Variants in ZFYVE28 observed in about 807,000 individuals in gnomAD.
ZFYVE28 encodes lateral signaling target protein 2 homolog.
Under a neutral mutation model 82.1 loss-of-function variants are expected in ZFYVE28, and 40 were observed. The observed-to-expected ratio is 0.49, with a 90% CI of 0.38 to 0.63. The LOEUF (loss-of-function observed/expected upper bound fraction) is 0.63. ZFYVE28 is among the 30% of genes least tolerant of loss of function. ZFYVE28 has a pLI of 0.00. For missense variants in ZFYVE28, 1,321 were observed against 1,242.1 expected, an observed-to-expected ratio of 1.06 and a Z score of -0.96; for synonymous variants, 612 against 546.1, an observed-to-expected ratio of 1.12 and a Z score of -1.68.
intron 7 of ZFYVE28, among the ~76,000 whole-genome samples, chr4:2,316,962 G>T (rs965034793): frequency 2.2e-4 from 33 of 149,878 alleles, no homozygotes; most frequent in African/African-American, 8.1e-4. Context: ...AAAGTGCTGG[G>T]ATTACAGTAT....
chr4:2,347,477 T>A (rs1486061794), intron 2 of ZFYVE28, among the ~76,000 whole-genome samples: 1 of 152,232 alleles, frequency 6.6e-6, no homozygotes, highest in African/African-American at 2.4e-5. Flanking sequence ...GATTCCCGAT[T>A]GTATATGGAA....
intron 8 of ZFYVE28, among the ~76,000 whole-genome samples, chr4:2,281,828 CA>C (rs1183147911): frequency 6.6e-6 from 1 of 152,176 alleles, no homozygotes; most frequent in Non-Finnish European, 1.5e-5. Flanking sequence ...AGGAGGACCT[CA>C]GGGGTAGATC....
At chr4:2,330,748 G>A (rs1418080420) in intron 6 of ZFYVE28, 22 of 1,496,202 alleles carry the variant, frequency 1.5e-5, no homozygotes, top group African/African-American at 2.8e-5. Flanking sequence ...GGGACAGTGC[G>A]GGGGAGGGGA....
chr4:2,276,115 T>G (rs1736413736), intron 8 of ZFYVE28, among the ~76,000 whole-genome samples: 1 of 151,924 alleles, frequency 6.6e-6, no homozygotes, highest in Non-Finnish European at 1.5e-5. Flanking sequence ...GTGGCGCACG[T>G]GAGAATTCAG....
rs189934600 is a variant in ZFYVE28 at position 2,379,203 on chromosome 4, G to A, written c.40-25130C>T. The stretch of plus-strand genomic sequence containing the variant: ...AGGAGGTGTGGGCATTGGGGGGACC[G>A]CTCCAGGGAGAGACAGAGCCCTCAA... On this transcript the variant is annotated intron_variant, in intron 1 of 12. Coordinates refer to ENST00000290974, the MANE Select transcript of ZFYVE28 (RefSeq NM_020972.3). Among the ~76,000 whole-genome samples, 27 of 152,294 alleles carry A rather than the reference G, an allele frequency of 1.8e-4. No individual in the cohort carries two copies. In the East Asian group the frequency reaches 3.5e-3, roughly 20 times the overall value.
At chr4:2,352,946 T>A (rs2108881453) in intron 2 of ZFYVE28, among the ~76,000 whole-genome samples, 1 of 152,256 alleles carries the variant, frequency 6.6e-6, no homozygotes, top group Middle Eastern at 3.4e-3. Flanking sequence ...TCCTCCAGGC[T>A]CCAGGGCCCC....
At chr4:2,382,664 G>C (rs953314908) in intron 1 of ZFYVE28, among the ~76,000 whole-genome samples, 1 of 152,226 alleles carries the variant, frequency 6.6e-6, no homozygotes, top group Non-Finnish European at 1.5e-5. Flanking sequence ...CTCATAGGCA[G>C]AAGGGTACTT....
At chr4:2,358,088 C>T (rs1283491182) in intron 1 of ZFYVE28, among the ~76,000 whole-genome samples, 1 of 152,258 alleles carries the variant, frequency 6.6e-6, no homozygotes, top group South Asian at 2.1e-4. Context: ...ACTTGCATGT[C>T]CCCTCGGCTC....
At chr4:2,391,421 T>C (rs549239194) in intron 1 of ZFYVE28, among the ~76,000 whole-genome samples, 1 of 151,778 alleles carries the variant, frequency 6.6e-6, no homozygotes, top group African/African-American at 2.4e-5. Context: ...AAGGTTACTG[T>C]CTTAGGTCAG....
At chr4:2,414,094 G>A (rs1396762156) in intron 1 of ZFYVE28, among the ~76,000 whole-genome samples, 1 of 152,208 alleles carries the variant, frequency 6.6e-6, no homozygotes, top group Non-Finnish European at 1.5e-5. Flanking sequence ...CCAGGGTGCC[G>A]CCCCTCTCAA....
rs1290578220 is a variant in ZFYVE28, at chr4:2,394,675, C to G, written c.39+23610G>C. The stretch of plus-strand genomic sequence containing the variant: ...CGGTCACAGGCAGGGGCCTGGGTGT[C>G]GTGTCACACAGGTCTGCGATCCGAT... On this transcript the variant is annotated intron_variant, in intron 1 of 12. Coordinates refer to ENST00000290974, the MANE Select transcript of ZFYVE28 (RefSeq NM_020972.3). The surrounding 1 kb of genome is among the most constrained non-coding windows in gnomAD (Gnocchi z 4.0). 6.6e-6 allele frequency among the ~76,000 whole-genome samples: 1 copy of G among 152,352 alleles called. No homozygotes were observed. The highest frequency in any genetic ancestry group is 2.1e-4 in the South Asian group (1 of 4,828).
chr4:2,381,543 A>G (rs1560313426), intron 1 of ZFYVE28, among the ~76,000 whole-genome samples: 1 of 152,132 alleles, frequency 6.6e-6, no homozygotes, highest in Non-Finnish European at 1.5e-5. Context: ...AGTAGCTGGG[A>G]CTACAGGCAC....
At chr4:2,350,499 G>A (rs1278636260) in intron 2 of ZFYVE28, among the ~76,000 whole-genome samples, 1 of 152,030 alleles carries the variant, frequency 6.6e-6, no homozygotes, top group Non-Finnish European at 1.5e-5. Context: ...GTATGATATT[G>A]TAAAATATAC....
rs146008323 is a variant in ZFYVE28 at position 2,335,660 on chromosome 4, G to T, written c.701+45C>A. On this transcript the variant is annotated intron_variant, in intron 6 of 12. Transcript: ENST00000290974. The surrounding 1 kb of genome is among the most constrained non-coding windows in gnomAD (Gnocchi z 5.8). ...GGACCTGGCACCATCAGCCCTGCCCGTCCCGCAGGTTTCTGCAGAGGTCCT... is the reference window on the plus strand; with the variant it reads ...GGACCTGGCACCATCAGCCCTGCCCTTCCCGCAGGTTTCTGCAGAGGTCCT... 36 of 1,535,648 alleles carry T rather than the reference G, an allele frequency of 2.3e-5. No homozygotes were observed. Among genetic ancestry groups the T allele is most frequent in the Non-Finnish European group, 3.1e-5 (35 of 1,133,182 alleles).
At position 2,418,371 on chromosome 4, in the gene ZFYVE28, G is replaced by A; in HGVS notation, c.-48C>T. The A allele has an allele frequency of 7.4e-7, 1 of 1,349,276 alleles. No individual in the cohort carries two copies. Among genetic ancestry groups the A allele is most frequent in the South Asian group, 1.7e-5 (1 of 60,498 alleles). The allele number at this position is 1,349,276 out of a possible 1,614,324, so 83.6% of individuals were successfully genotyped here. ...CTCCGGGCGGCCCTCGCCCTCCGCA[G>A]CGCTGCGCCCGGGCCCGGCTGAGGC... On this transcript the variant is annotated 5_prime_UTR_variant, in exon 1 of 13. Transcript: ENST00000290974. The surrounding 1 kb of genome is among the most constrained non-coding windows in gnomAD (Gnocchi z 4.6).
At chr4:2,297,095 G>T (rs1714692349) in intron 8 of ZFYVE28, among the ~76,000 whole-genome samples, 1 of 152,250 alleles carries the variant, frequency 6.6e-6, no homozygotes, top group Non-Finnish European at 1.5e-5. Context: ...GTGGATGTGG[G>T]AACGAAGCAC....
intron 1 of ZFYVE28, among the ~76,000 whole-genome samples, chr4:2,371,356 GC>G (rs201486319): frequency 0.016 from 2,401 of 152,262 alleles, 27 homozygotes; most frequent in Middle Eastern, 0.034. Flanking sequence ...TTATAAAGGT[GC>G]CCGCCACTAA....
Position 2,305,045 on chromosome 4 carries a change from T to C in ZFYVE28, c.1295A>G (p.Asp432Gly). Reference sequence around the variant, plus strand: ...CCCACCCTGCCCTTTCTCCTGGGGGTCGGCCCAGGTACTGCCTGCCCACCC... The same window carrying C: ...CCCACCCTGCCCTTTCTCCTGGGGGCCGGCCCAGGTACTGCCTGCCCACCC... Reference protein sequence around the residue: ...PFGWAGSTWADPQEKGQGGPG... With the variant: ...PFGWAGSTWAGPQEKGQGGPG... Residue 432 changes from aspartate to glycine, a missense_variant, in exon 8 of 13, where the codon GAC becomes GGC. Physicochemically the swap from Asp to Gly is moderately conservative, Grantham distance 94. Transcript: ENST00000290974. 1.2e-6 allele frequency: 2 copies of C among 1,612,230 alleles called. No individual in the cohort carries two copies. Among genetic ancestry groups the C allele is most frequent in the Non-Finnish European group, 1.7e-6 (2 of 1,179,718 alleles).
At chr4:2,350,463 C>CAAAAAA (rs1231820889) in intron 2 of ZFYVE28, among the ~76,000 whole-genome samples, 1 of 120,802 alleles carries the variant, frequency 8.3e-6, no homozygotes, top group South Asian at 2.6e-4. Flanking sequence ...GACTCCGTCT[C>CAAAAAA]AAAAAAAAAA....
Sources: allele counts gnomAD v4.1 joint callset (sites outside exome capture counted in the v4.1 genomes callset), GRCh38; gene constraint gnomAD v4.1.1; non-coding constraint Gnocchi (gnomAD v3.1); transcripts MANE v1.5; gene names NCBI Gene and HGNC (gene_info 2026-07-23, HGNC 2026-07-21).